NCOA2: variants seen among roughly 807,000 people sequenced by gnomAD.
The protein encoded by NCOA2 is nuclear receptor coactivator 2.
Under a neutral mutation model 145.1 loss-of-function variants are expected in NCOA2, and 21 were observed. That is an observed-to-expected ratio of 0.14 (90% confidence interval 0.10 to 0.21). The LOEUF is 0.21. Among genes scored for constraint, NCOA2 ranks in the 10% least tolerant of loss-of-function variants. NCOA2 has a pLI of 1.00. For missense variants in NCOA2, 1,472 were observed against 1,837.6 expected (o/e 0.80, Z 3.64); for synonymous variants, 619 against 637.5 (o/e 0.97, Z 0.44).
chr8:70,347,328 T>C (rs1808760446), intron 1 of NCOA2, among the ~76,000 whole-genome samples: 1 of 151,776 alleles, frequency 6.6e-6, no homozygotes, highest in Admixed American at 6.6e-5. Flanking sequence ...CTACTAAAAA[T>C]ACAAAAATTA....
chr8:70,301,683 AAGAT>A (rs1827514085), intron 1 of NCOA2, among the ~76,000 whole-genome samples: 1 of 149,752 alleles, frequency 6.7e-6, no homozygotes, highest in Non-Finnish European at 1.5e-5. Context: ...AAAAAAAAGA[AAGAT>A]ATGTTTGTCA....
intron 9 of NCOA2, among the ~76,000 whole-genome samples, chr8:70,162,361 A>G (rs190253016): frequency 2.6e-5 from 4 of 152,150 alleles, no homozygotes; most frequent in Admixed American, 2.0e-4. Flanking sequence ...TCACTCTCCA[A>G]AATTCCACTT....
chr8:70,296,163 A>T (rs1325357917), intron 2 of NCOA2, among the ~76,000 whole-genome samples: 1 of 152,188 alleles, frequency 6.6e-6, no homozygotes, highest in Non-Finnish European at 1.5e-5. Flanking sequence ...GCTAGCAGGG[A>T]AAGTTGTAAA....
intron 4 of NCOA2, 118 bp from the exon 5 acceptor site, chr8:70,174,977 A>C: frequency 3.4e-6 from 3 of 881,806 alleles, no homozygotes; most frequent in Non-Finnish European, 5.5e-6. Context: ...TGCAGCTACA[A>C]AAGAGTTACA....
At chr8:70,261,166 G>A (rs964820705) in intron 2 of NCOA2, among the ~76,000 whole-genome samples, 5 of 152,038 alleles carry the variant, frequency 3.3e-5, no homozygotes, top group African/African-American at 4.8e-5. Flanking sequence ...TGTTTATTGC[G>A]GCACTATTCT....
At chr8:70,440,812 A>AAGGAAAGAGAGCAAGAAAGAAAG in the NCOA2 span, among the ~76,000 whole-genome samples, 2 of 151,650 alleles carry the variant, frequency 1.3e-5, no homozygotes, top group Non-Finnish European at 2.9e-5. Context: ...AAAGACAAGA[A>AAGGAAAGAGAGCAAGAAAGAAAG]AGGAAAGAGA....
At chr8:70,195,856 C>T (rs956804479) in intron 4 of NCOA2, among the ~76,000 whole-genome samples, 1 of 152,178 alleles carries the variant, frequency 6.6e-6, no homozygotes, top group Non-Finnish European at 1.5e-5. Flanking sequence ...CCCCAAACAC[C>T]GTGTGGTCAC....
At chr8:70,229,252 A>G (rs189909220) in intron 2 of NCOA2, among the ~76,000 whole-genome samples, 11 of 152,372 alleles carry the variant, frequency 7.2e-5, no homozygotes, top group Admixed American at 7.2e-4. Flanking sequence ...ACACTGCAAT[A>G]CAGTCACTGA....
Position 70,110,729 on chromosome 8 carries a change from A to G in NCOA2, c.*2903T>C, listed in dbSNP as rs1806465396. The G allele has an allele frequency of 4.5e-6, 1 of 221,992 alleles. No homozygotes were observed. Among genetic ancestry groups the G allele is most frequent in the South Asian group, 1.8e-4 (1 of 5,416 alleles). The allele number at this position is 221,992 out of a possible 1,614,324, so 13.8% of individuals were successfully genotyped here. A position where few individuals can be genotyped will look rare whatever the true frequency, so the allele number is the denominator to read the frequency against. On this transcript the variant is annotated 3_prime_UTR_variant, in exon 23 of 23. Coordinates refer to ENST00000452400, the MANE Select transcript of NCOA2 (RefSeq NM_006540.4). ...ACATTGCTTTCAATTATTACAGGCC[A>G]TAAGAGATACACATAGGGGGAGGGG...
chr8:70,148,524 A>T (rs1426379826), intron 11 of NCOA2, 41 bp from the exon 12 acceptor site: 1 of 1,585,306 alleles, frequency 6.3e-7, no homozygotes, highest in South Asian at 1.1e-5. Context: ...GTCTACTCTA[A>T]GAGTAGACAC....
rs150225293 is a variant in NCOA2 at position 70,401,141 on chromosome 8, AGCT to A, written c.-77+2556_-77+2558del. 1.9e-3 allele frequency among the ~76,000 whole-genome samples: 293 copies of A among 152,218 alleles called. No individual in the cohort carries two copies. In the East Asian group the frequency reaches 0.024, roughly 13 times the overall value. On this transcript the variant is annotated intron_variant, in intron 1 of 22. Coordinates refer to ENST00000452400, the MANE Select transcript of NCOA2 (RefSeq NM_006540.4). ...CGCGCACACACACATGCTTTGTAGCAGCTGCTTTCTTTTTAAAAGACTGCTATT... is the reference window on the plus strand; with the variant it reads ...CGCGCACACACACATGCTTTGTAGCAGCTTTCTTTTTAAAAGACTGCTATT...
chr8:70,238,492 A>G (rs1038444652), intron 2 of NCOA2, among the ~76,000 whole-genome samples: 2 of 152,220 alleles, frequency 1.3e-5, no homozygotes, highest in African/African-American at 4.8e-5. Flanking sequence ...CTTGAAACCA[A>G]GCTCTGACTG....
chr8:70,268,930 G>A (rs539717121), intron 2 of NCOA2, among the ~76,000 whole-genome samples: 5 of 152,068 alleles, frequency 3.3e-5, no homozygotes, highest in African/African-American at 4.8e-5. Context: ...AGTTGTCTCC[G>A]CAGCTAGTCT....
chr8:70,414,081 TTTAC>T, the NCOA2 span, among the ~76,000 whole-genome samples: 2 of 152,230 alleles, frequency 1.3e-5, no homozygotes, highest in African/African-American at 4.8e-5. Context: ...TAATAACTGT[TTTAC>T]TTAATCACAT....
chr8:70,286,388 T>C (rs867504191), intron 2 of NCOA2, among the ~76,000 whole-genome samples: 6 of 152,132 alleles, frequency 3.9e-5, no homozygotes, highest in Admixed American at 6.5e-5. Flanking sequence ...AAAGGAAATA[T>C]ACATATATAT....
intron 1 of NCOA2, among the ~76,000 whole-genome samples, chr8:70,354,974 C>T (rs1809556177): frequency 6.6e-6 from 1 of 152,184 alleles, no homozygotes; most frequent in Non-Finnish European, 1.5e-5. Flanking sequence ...GGTGTTTTGG[C>T]ACAGATGTTG....
At chr8:70,159,924 TTTA>T (rs1812755614) in intron 9 of NCOA2, among the ~76,000 whole-genome samples, 2 of 152,202 alleles carry the variant, frequency 1.3e-5, no homozygotes, top group Admixed American at 1.3e-4. Context: ...TCTTAAAATC[TTTA>T]TTATTATGGC....
At chr8:70,270,672 G>A (rs1355500711) in intron 2 of NCOA2, among the ~76,000 whole-genome samples, 2 of 152,080 alleles carry the variant, frequency 1.3e-5, no homozygotes, top group Admixed American at 1.3e-4. Context: ...AAAAAATTCT[G>A]CTTTAGTCTT....
intron 1 of NCOA2, among the ~76,000 whole-genome samples, chr8:70,403,305 C>T (rs1234197430): frequency 2.0e-5 from 3 of 151,378 alleles, no homozygotes; most frequent in Non-Finnish European, 3.0e-5. Flanking sequence ...GGGCCGCGCC[C>T]GCACCCCCGG....
Sources: gnomAD v4.1 joint callset for allele counts (sites outside exome capture counted in the v4.1 genomes callset) on GRCh38, gnomAD v4.1.1 for gene constraint, MANE v1.5 for transcripts, NCBI Gene and HGNC (gene_info 2026-07-23, HGNC 2026-07-21) for gene names.